TAFA2: variants seen among roughly 807,000 people sequenced by gnomAD.
TAFA2 encodes TAFA chemokine like family member 2, also known as chemokine-like protein TAFA-2.
A neutral mutation model predicts 18.8 loss-of-function variants in TAFA2; 7 were observed. The ratio of observed to expected loss-of-function variants is 0.37; its 90% CI spans 0.21 to 0.70. TAFA2 has a LOEUF of 0.70. TAFA2 is among the 30% of genes least tolerant of loss of function. The pLI is 0.53. For missense variants in TAFA2, 122 were observed against 158.1 expected (o/e 0.77, Z 1.23); for synonymous variants, 60 against 54.2 (o/e 1.11, Z -0.47).
chr12:61,928,910 A>G (rs1158049336), intron 1 of TAFA2, among the ~76,000 whole-genome samples: 1 of 152,194 alleles, frequency 6.6e-6, no homozygotes, highest in African/African-American at 2.4e-5. Context: ...ACACAGGAAC[A>G]GAAAACCAAA....
At chr12:62,079,117 C>T (rs1286925031) in intron 1 of TAFA2, among the ~76,000 whole-genome samples, 1 of 152,166 alleles carries the variant, frequency 6.6e-6, no homozygotes, top group Admixed American at 6.5e-5. Flanking sequence ...GCAGCTGCCC[C>T]TCTCTCCAGC....
intron 1 of TAFA2, among the ~76,000 whole-genome samples, chr12:62,103,909 G>A (rs781728924): frequency 2.6e-5 from 4 of 152,192 alleles, no homozygotes; most frequent in Non-Finnish European, 4.4e-5. Flanking sequence ...CTGAGAGTTA[G>A]GGATGAAACT....
At chr12:62,021,952 C>G in intron 1 of TAFA2, 1 of 711,592 alleles carries the variant, frequency 1.4e-6, no homozygotes, top group Non-Finnish European at 2.7e-6. Context: ...GCAGGCCCTC[C>G]TCACAGCAAG....
At chr12:61,849,530 T>G (rs1322449047) in intron 2 of TAFA2, among the ~76,000 whole-genome samples, 1 of 152,206 alleles carries the variant, frequency 6.6e-6, no homozygotes, top group Admixed American at 6.5e-5. Flanking sequence ...CTTAAATCAC[T>G]AAGTACATAA....
chr12:62,021,521 C>A (rs981535482), intron 1 of TAFA2: 18 of 513,310 alleles, frequency 3.5e-5, no homozygotes, highest in Non-Finnish European at 6.9e-5. Flanking sequence ...AAGATCTTTA[C>A]AGAACAACAT....
At chr12:62,076,827 A>G (rs1320917242) in intron 1 of TAFA2, among the ~76,000 whole-genome samples, 1 of 152,226 alleles carries the variant, frequency 6.6e-6, no homozygotes, top group Non-Finnish European at 1.5e-5. Context: ...TTCAGATGAG[A>G]CAGCTTCTTT....
chr12:62,033,063 CCCACACAG>C, intron 1 of TAFA2, among the ~76,000 whole-genome samples: 1 of 152,286 alleles, frequency 6.6e-6, no homozygotes, highest in East Asian at 1.9e-4. Flanking sequence ...TGCCAGCCTA[CCCACACAG>C]CCATGTCAGA....
intron 2 of TAFA2, among the ~76,000 whole-genome samples, chr12:61,803,384 C>T (rs984544798): frequency 2.0e-5 from 3 of 151,874 alleles, no homozygotes; most frequent in East Asian, 1.9e-4. Flanking sequence ...TTACACAAAA[C>T]AATGTCTGGT....
chr12:62,219,674 A>G (rs1412772340), intron 1 of TAFA2, among the ~76,000 whole-genome samples: 1 of 152,202 alleles, frequency 6.6e-6, no homozygotes, highest in Non-Finnish European at 1.5e-5. Context: ...CCAAATTTAC[A>G]ATTAAATCAC....
At chr12:62,202,140 A>G (rs1204919812) in intron 1 of TAFA2, among the ~76,000 whole-genome samples, 1 of 150,966 alleles carries the variant, frequency 6.6e-6, no homozygotes, top group African/African-American at 2.4e-5. Context: ...TTTCTCCTTT[A>G]TGAGTTTAGC....
At chr12:62,081,000 C>T (rs1868313705) in intron 1 of TAFA2, among the ~76,000 whole-genome samples, 1 of 152,160 alleles carries the variant, frequency 6.6e-6, no homozygotes, top group Non-Finnish European at 1.5e-5. Flanking sequence ...CGAGACCATT[C>T]TGCCTGACAC....
At chr12:61,875,359 A>G (rs918164774) in intron 1 of TAFA2, among the ~76,000 whole-genome samples, 3 of 151,982 alleles carry the variant, frequency 2.0e-5, no homozygotes, top group Non-Finnish European at 2.9e-5. Context: ...TCCTCTCCTT[A>G]TCAATTGCTT....
In TAFA2 at chr12:61,967,955, G is replaced by A. The variant is rs149282495; in HGVS notation, c.-1-100529C>T. On this transcript the variant is annotated intron_variant, in intron 1 of 4. Transcript: ENST00000416284. ...ATTTCTGTAATCTGGGTCCAGGCCT[G>A]GTAATGTTATGGTGTTCAACCTTTG... Among the ~76,000 whole-genome samples the A allele has an allele frequency of 3.8e-3, 584 of 151,776 alleles. 5 individuals carry two copies. Among genetic ancestry groups the A allele is most frequent in the African/African-American group, 0.013 (551 of 41,444 alleles).
chr12:62,186,730 A>G (rs2062588210), intron 1 of TAFA2, among the ~76,000 whole-genome samples: 1 of 152,190 alleles, frequency 6.6e-6, no homozygotes, highest in Non-Finnish European at 1.5e-5. Flanking sequence ...GACTTTATCT[A>G]ATATAAACAT....
At chr12:61,756,000 T>C (rs887761694) in intron 2 of TAFA2, among the ~76,000 whole-genome samples, 10 of 152,096 alleles carry the variant, frequency 6.6e-5, no homozygotes, top group African/African-American at 2.2e-4. Context: ...GATATTACAA[T>C]GGAAAAGCAG....
chr12:61,734,566 TG>T (rs1343310779), intron 4 of TAFA2, among the ~76,000 whole-genome samples: 58 of 151,950 alleles, frequency 3.8e-4, no homozygotes, highest in Admixed American at 3.3e-3. Flanking sequence ...GAGAAAGGAA[TG>T]TATTAGGCCC....
At chr12:61,919,322 C>G (rs967645233) in intron 1 of TAFA2, among the ~76,000 whole-genome samples, 1 of 152,118 alleles carries the variant, frequency 6.6e-6, no homozygotes, top group Non-Finnish European at 1.5e-5. Context: ...CTGGCCACTA[C>G]CCCCTGCATT....
chr12:62,256,674 T>C (rs1204602682), intron 1 of TAFA2, among the ~76,000 whole-genome samples: 3 of 152,364 alleles, frequency 2.0e-5, no homozygotes, highest in East Asian at 1.9e-4. Context: ...TTCATCTTAC[T>C]ATATTTTCAT....
intron 1 of TAFA2, among the ~76,000 whole-genome samples, chr12:61,934,688 C>T (rs189112199): frequency 2.6e-5 from 4 of 152,308 alleles, no homozygotes; most frequent in Admixed American, 2.0e-4. Flanking sequence ...GAAAGAGATG[C>T]TCTTCTGCAT....
Sources: allele counts gnomAD v4.1 joint callset (sites outside exome capture counted in the v4.1 genomes callset), GRCh38; gene constraint gnomAD v4.1.1; transcripts MANE v1.5; gene names NCBI Gene and HGNC (gene_info 2026-07-23, HGNC 2026-07-21).